GLYR1: variants seen among roughly 807,000 people sequenced by gnomAD.
GLYR1 encodes cytokine-like nuclear factor N-PAC.
Under a neutral mutation model 72.7 loss-of-function variants are expected in GLYR1, and 21 were observed. The ratio of observed to expected loss-of-function variants is 0.29; its 90% CI spans 0.20 to 0.42. The LOEUF is 0.42. GLYR1 is among the 10% of genes least tolerant of loss of function. The pLI, the probability that GLYR1 is intolerant of heterozygous loss-of-function variation, is 1.00. For synonymous variants in GLYR1, 392 were observed against 270.2 expected (o/e 1.45, Z -4.42); for missense variants, 594 against 712.1 (o/e 0.83, Z 1.89).
chr16:4,821,171 T>C (rs558675198), intron 9 of GLYR1: 17 of 599,598 alleles, frequency 2.8e-5, no homozygotes, highest in Non-Finnish European at 4.7e-5. Flanking sequence ...AAAAAATCCC[T>C]CAGCTTATGC....
intron 3 of GLYR1, chr16:4,839,179 GCACACA>G (rs372606508): frequency 6.6e-6 from 1 of 151,952 alleles, no homozygotes; most frequent in Non-Finnish European, 1.5e-5. Flanking sequence ...CAGAGAAAAA[GCACACA>G]CACACACACA....
intron 5 of GLYR1, among the ~76,000 whole-genome samples, chr16:4,824,498 C>CAAAAAAAAAAAA (rs142627380): frequency 1.1e-5 from 1 of 95,150 alleles, no homozygotes; most frequent in Non-Finnish European, 2.1e-5. Context: ...GACTCCATCT[C>CAAAAAAAAAAAA]AAAAAAAAAA....
intron 3 of GLYR1, among the ~76,000 whole-genome samples, chr16:4,844,299 G>T (rs1445087657): frequency 6.6e-6 from 1 of 151,970 alleles, no homozygotes; most frequent in African/African-American, 2.4e-5. Flanking sequence ...CCCCAACTTA[G>T]GACAGATCTG....
intron 10 of GLYR1, among the ~76,000 whole-genome samples, chr16:4,817,185 T>A (rs963946430): frequency 6.6e-6 from 1 of 151,576 alleles, no homozygotes; most frequent in Non-Finnish European, 1.5e-5. Context: ...AGTGGCGCGA[T>A]CTCGGCTCAC....
At chr16:4,824,997 T>C (rs2084289257) in intron 5 of GLYR1, among the ~76,000 whole-genome samples, 1 of 152,166 alleles carries the variant, frequency 6.6e-6, no homozygotes, top group Admixed American at 6.5e-5. Context: ...AATGGGGCTT[T>C]ACAGTTGGCG....
chr16:4,819,099 C>G (rs937547711), intron 9 of GLYR1, among the ~76,000 whole-genome samples: 13 of 152,330 alleles, frequency 8.5e-5, no homozygotes, highest in South Asian at 2.1e-4. Context: ...TTGCAAGTGA[C>G]AATGGTGCAA....
chr16:4,812,659 A>ATT (rs2083386641), intron 12 of GLYR1, among the ~76,000 whole-genome samples: 1 of 148,916 alleles, frequency 6.7e-6, no homozygotes, highest in Admixed American at 6.7e-5. Flanking sequence ...CGCCTGGCTA[A>ATT]TTTTTTGTAT....
chr16:4,831,835 G>C (rs1463660457), intron 5 of GLYR1, 144 bp downstream of exon 5: 1 of 1,224,620 alleles, frequency 8.2e-7, no homozygotes, highest in African/African-American at 1.5e-5. Context: ...CACCTGCCCT[G>C]CAGGATTCTT....
intron 15 of GLYR1, among the ~76,000 whole-genome samples, chr16:4,809,193 T>C (rs796553106): frequency 7.2e-6 from 1 of 138,878 alleles, no homozygotes; most frequent in Admixed American, 7.0e-5. Flanking sequence ...CTTTCGTTTT[T>C]TTTTTTTTTT....
rs1305828116 is a variant in GLYR1, at chr16:4,803,248, A to C, written c.*1988T>G. ...TATTTTTCTTGCAGTAGCTTTGTTA[A>C]TTGCACAAAATCATGTTTTGTTTTT... is the stretch of plus-strand genomic sequence containing the variant. On this transcript the variant is annotated 3_prime_UTR_variant, in exon 16 of 16. Coordinates refer to ENST00000321919, the MANE Select transcript of GLYR1 (RefSeq NM_032569.4). 5 of 152,694 alleles carry C rather than the reference A, an allele frequency of 3.3e-5. No homozygotes were observed. In the East Asian group the frequency reaches 9.6e-4, roughly 29 times the overall value. 9.5% of individuals were successfully genotyped at this position (152,694 alleles called of 1,614,324 possible).
chr16:4,832,522 T>C, intron 4 of GLYR1: 1 of 576,530 alleles, frequency 1.7e-6, no homozygotes, highest in Non-Finnish European at 3.0e-6. Context: ...TGGCCTGTGC[T>C]AGACTCAAAT....
At chr16:4,806,514 G>GCGA (rs1394849793) in intron 15 of GLYR1, among the ~76,000 whole-genome samples, 1 of 151,664 alleles carries the variant, frequency 6.6e-6, no homozygotes, top group Non-Finnish European at 1.5e-5. Context: ...TAGGGTGCTC[G>GCGA]CCACCACGCC....
chr16:4,832,184 C>T lies in GLYR1; in HGVS notation c.332G>A (p.Arg111His), dbSNP rs1330633869. Reference protein sequence around the residue: ...SHNSSDDKNRRNSSEERSRPN... With the variant: ...SHNSSDDKNRHNSSEERSRPN... The stretch of plus-strand genomic sequence containing the variant: ...CCTACTTCTCTCCTCACTGGAATTA[C>T]GTCGATTCTTGTCATCAGAAGAATT... Residue 111 changes from arginine (R) to histidine (H), a missense_variant, in exon 5 of 16, where the codon CGT becomes CAT. Transcript: ENST00000321919. The T allele has an allele frequency of 3.1e-6, 5 of 1,614,012 alleles. No homozygotes were observed. The highest frequency in any genetic ancestry group is 2.2e-5 in the East Asian group (1 of 44,896).
chr16:4,809,805 T>A (rs1239337553), intron 15 of GLYR1, among the ~76,000 whole-genome samples: 1 of 151,660 alleles, frequency 6.6e-6, no homozygotes, highest in East Asian at 1.9e-4. Flanking sequence ...GTGCCTGTAA[T>A]CCCAGCTACT....
chr16:4,811,527 T>C (rs1325852467), intron 14 of GLYR1, 96 bp downstream of exon 14: 5 of 1,464,184 alleles, frequency 3.4e-6, no homozygotes, highest in East Asian at 2.3e-5. Flanking sequence ...AGGGACTGAC[T>C]GGGGAGGGGC....
chr16:4,833,073 T>A (rs2084897309), intron 3 of GLYR1, 161 bp from the exon 4 acceptor site: 3 of 536,602 alleles, frequency 5.6e-6, no homozygotes, highest in Non-Finnish European at 9.3e-6. Context: ...CATCTCAGAG[T>A]CTTATGTCTA....
chr16:4,807,061 C>T (rs1167374929), intron 15 of GLYR1, among the ~76,000 whole-genome samples: 1 of 150,524 alleles, frequency 6.6e-6, no homozygotes, highest in Non-Finnish European at 1.5e-5. Context: ...CCGCCTCGGC[C>T]TCCCAAAGTG....
intron 5 of GLYR1, among the ~76,000 whole-genome samples, chr16:4,827,618 G>A (rs567546627): frequency 1.3e-5 from 2 of 151,756 alleles, no homozygotes; most frequent in South Asian, 2.1e-4. Context: ...CAAAAAAAAC[G>A]GGCCAGGCAC....
chr16:4,836,674 G>C (rs2085154306), intron 3 of GLYR1, among the ~76,000 whole-genome samples: 1 of 152,196 alleles, frequency 6.6e-6, no homozygotes, highest in Non-Finnish European at 1.5e-5. Flanking sequence ...AAGGAAAATG[G>C]ACTGACCACG....
Sources: gnomAD v4.1 joint callset for allele counts (sites outside exome capture counted in the v4.1 genomes callset) on GRCh38, gnomAD v4.1.1 for gene constraint, MANE v1.5 for transcripts, NCBI Gene and HGNC (gene_info 2026-07-23, HGNC 2026-07-21) for gene names.